ERBB4: variants seen among roughly 807,000 people sequenced by gnomAD.
The protein encoded by ERBB4 is receptor tyrosine-protein kinase erbB-4.
ERBB4 carries 42 observed loss-of-function variants against 158.0 expected under a neutral mutation model. The ratio of observed to expected loss-of-function variants is 0.27; its 90% CI spans 0.21 to 0.34. The LOEUF is 0.34. Ranked by LOEUF, ERBB4 falls within the 10% of genes least tolerant of loss-of-function variation. ERBB4 has a pLI of 1.00. For synonymous variants in ERBB4, 583 were observed against 558.7 expected (o/e 1.04, Z -0.61); for missense variants, 1,333 against 1,624.1 (o/e 0.82, Z 3.08).
At chr2:212,087,330 T>A (rs566833581) in intron 2 of ERBB4, among the ~76,000 whole-genome samples, 1 of 152,180 alleles carries the variant, frequency 6.6e-6, no homozygotes, top group South Asian at 2.1e-4. Flanking sequence ...ATTTATACTG[T>A]GATAAGTGGA....
chr2:211,430,657 C>G (rs2063728114), intron 21 of ERBB4, among the ~76,000 whole-genome samples: 2 of 152,254 alleles, frequency 1.3e-5, no homozygotes, highest in Admixed American at 6.5e-5. Flanking sequence ...CTTTCCATCA[C>G]TGGACCTAAC....
chr2:212,055,410 T>C (rs2077528182), intron 2 of ERBB4, among the ~76,000 whole-genome samples: 2 of 152,228 alleles, frequency 1.3e-5, no homozygotes, highest in Admixed American at 1.3e-4. Flanking sequence ...TGTCCCTGTC[T>C]GACAGCTTTG....
intron 11 of ERBB4, 80 bp downstream of exon 11, chr2:211,704,024 A>T (rs2073347746): frequency 2.4e-6 from 2 of 836,156 alleles, no homozygotes; most frequent in African/African-American, 1.7e-5. Context: ...AATCAATAAG[A>T]GTGATAGTTT....
chr2:212,046,065 T>A (rs2077254034), intron 2 of ERBB4, among the ~76,000 whole-genome samples: 1 of 152,220 alleles, frequency 6.6e-6, no homozygotes, highest in Admixed American at 6.5e-5. Context: ...AGATGACAAT[T>A]TGGATAAATG....
intron 1 of ERBB4, among the ~76,000 whole-genome samples, chr2:212,223,818 T>C (rs1359534314): frequency 1.3e-5 from 2 of 151,780 alleles, no homozygotes. Flanking sequence ...CACACTGAAC[T>C]AGAATATTTT....
At chr2:211,964,484 T>A (rs1011524022) in intron 2 of ERBB4, among the ~76,000 whole-genome samples, 2 of 152,212 alleles carry the variant, frequency 1.3e-5, no homozygotes, top group African/African-American at 2.4e-5. Flanking sequence ...AAGGAACTGA[T>A]GTTAATAAAA....
At chr2:212,279,549 T>C (rs2085673496) in intron 1 of ERBB4, among the ~76,000 whole-genome samples, 1 of 151,664 alleles carries the variant, frequency 6.6e-6, no homozygotes, top group African/African-American at 2.4e-5. Flanking sequence ...AGGCTGATTC[T>C]ATGACCATTT....
intron 12 of ERBB4, among the ~76,000 whole-genome samples, chr2:211,684,714 T>C (rs2072493854): frequency 6.6e-6 from 1 of 152,196 alleles, no homozygotes; most frequent in South Asian, 2.1e-4. Context: ...GAGAAATCAC[T>C]GATGCCAGCT....
chr2:212,060,124 C>A (rs990695398), intron 2 of ERBB4, among the ~76,000 whole-genome samples: 5 of 152,194 alleles, frequency 3.3e-5, no homozygotes, highest in African/African-American at 1.2e-4. Flanking sequence ...AAAAAACGAA[C>A]AATTCCATCA....
chr2:212,404,627 G>A (rs904080751), intron 1 of ERBB4, among the ~76,000 whole-genome samples: 1 of 152,032 alleles, frequency 6.6e-6, no homozygotes, highest in Non-Finnish European at 1.5e-5. Context: ...GCTGGAAAGT[G>A]TGCATTTGTT....
chr2:212,472,096 T>C (rs1689143386), intron 1 of ERBB4, among the ~76,000 whole-genome samples: 1 of 151,914 alleles, frequency 6.6e-6, no homozygotes, highest in Non-Finnish European at 1.5e-5. Context: ...CAACACGTCA[T>C]CAATCAAATA....
chr2:211,640,688 T>C (rs1356489753), intron 16 of ERBB4, among the ~76,000 whole-genome samples: 2 of 152,126 alleles, frequency 1.3e-5, no homozygotes, highest in African/African-American at 4.8e-5. Context: ...TAGAAAGTTG[T>C]AAGATAGATA....
At chr2:212,339,789 G>GT (rs2088615177) in intron 1 of ERBB4, among the ~76,000 whole-genome samples, 3 of 151,824 alleles carry the variant, frequency 2.0e-5, no homozygotes, top group African/African-American at 7.3e-5. Flanking sequence ...TTAAAAATAT[G>GT]CTTTTTTAAA....
intron 20 of ERBB4, among the ~76,000 whole-genome samples, chr2:211,458,458 G>GT (rs970370166): frequency 1.3e-5 from 2 of 151,988 alleles, no homozygotes; most frequent in African/African-American, 4.8e-5. Context: ...GTAGAGATGG[G>GT]TTTTCACCAT....
At chr2:212,348,569 G>A (rs1156962477) in intron 1 of ERBB4, among the ~76,000 whole-genome samples, 1 of 152,092 alleles carries the variant, frequency 6.6e-6, no homozygotes, top group Non-Finnish European at 1.5e-5. Context: ...AGGAACATCT[G>A]TTATAGAATG....
chr2:212,201,406 T>C (rs776824361), intron 1 of ERBB4, among the ~76,000 whole-genome samples: 5 of 152,180 alleles, frequency 3.3e-5, no homozygotes, highest in Non-Finnish European at 7.4e-5. Context: ...ATTCACCTGA[T>C]AGTGGATCCT....
At chr2:212,046,164 A>AT (rs1233858321) in intron 2 of ERBB4, among the ~76,000 whole-genome samples, 1 of 152,216 alleles carries the variant, frequency 6.6e-6, no homozygotes, top group African/African-American at 2.4e-5. Flanking sequence ...TTGAACAGAA[A>AT]TATGCGAAAT....
intron 2 of ERBB4, among the ~76,000 whole-genome samples, chr2:211,972,684 G>A (rs142346718): frequency 3.0e-4 from 46 of 152,252 alleles, no homozygotes; most frequent in African/African-American, 9.9e-4. Flanking sequence ...AATGGTAGTG[G>A]GATAACTGGC....
rs1212486769 is a variant in ERBB4 at position 211,623,032 on chromosome 2, TATATATATATATAA to T, written c.2202+876_2202+889del. ...ATATATATATATATATATATATATATATATATATATATAAAATGCCAAAGTAACTTTTGGGAATT... is the reference window on the plus strand; with the variant it reads ...ATATATATATATATATATATATATATAATGCCAAAGTAACTTTTGGGAATT... On this transcript the variant is annotated intron_variant, in intron 18 of 27. Transcript: ENST00000342788. Among the ~76,000 whole-genome samples the T allele has an allele frequency of 1.5e-3, 98 of 66,714 alleles. 1 individual carries two copies. Among genetic ancestry groups the T allele is most frequent in the Middle Eastern group, 0.015 (1 of 68 alleles). The allele number at this position is 66,714 out of a possible 152,430, so 43.8% of individuals were successfully genotyped here.
Sources: gnomAD v4.1 joint callset for allele counts (sites outside exome capture counted in the v4.1 genomes callset) on GRCh38, gnomAD v4.1.1 for gene constraint, MANE v1.5 for transcripts, NCBI Gene and HGNC (gene_info 2026-07-23, HGNC 2026-07-21) for gene names.